The following IRAK1BP1 variants were observed in gnomAD, a reference collection of about 807,000 sequenced individuals.
IRAK1BP1 encodes interleukin-1 receptor-associated kinase 1-binding protein 1.
A neutral mutation model predicts 28.0 loss-of-function variants in IRAK1BP1; 24 were observed. The ratio of observed to expected loss-of-function variants is 0.86; its 90% CI spans 0.62 to 1.20. IRAK1BP1 has a LOEUF of 1.20. Among genes scored for constraint, IRAK1BP1 ranks in the 50% most tolerant of loss-of-function variants. The pLI, the probability that IRAK1BP1 is intolerant of heterozygous loss-of-function variation, is 0.00. For synonymous variants in IRAK1BP1, 131 were observed against 116.3 expected, an observed-to-expected ratio of 1.13 and a Z score of -0.81; for missense variants, 336 against 316.7, an observed-to-expected ratio of 1.06 and a Z score of -0.46.
intron 1 of IRAK1BP1, among the ~76,000 whole-genome samples, chr6:78,880,494 A>G (rs1771187358): frequency 6.6e-6 from 1 of 152,184 alleles, no homozygotes; most frequent in Non-Finnish European, 1.5e-5. Context: ...TCACTTTGTG[A>G]AAAACATTGT....
intron 4 of IRAK1BP1, among the ~76,000 whole-genome samples, chr6:78,919,951 C>G (rs1287261175): frequency 6.6e-6 from 1 of 152,168 alleles, no homozygotes. Flanking sequence ...CTGCATCCAG[C>G]AGCACATCAA....
rs2127657773 is a variant in IRAK1BP1, at chr6:78,902,938, TAAAAC to T, written c.*4607_*4611del. ...TTCAAGAAGGATTGTTTTCTACTATTAAAACAATAAAACTCTTATAAACCTGTTTA... is the reference window on the plus strand; with the variant it reads ...TTCAAGAAGGATTGTTTTCTACTATTAATAAAACTCTTATAAACCTGTTTA... On this transcript the variant is annotated 3_prime_UTR_variant, in exon 4 of 4. Coordinates refer to ENST00000369940, the MANE Select transcript of IRAK1BP1 (RefSeq NM_001010844.4). 1 of 903,080 alleles carries T rather than the reference TAAAAC, an allele frequency of 1.1e-6. No homozygotes were observed. The highest frequency in any genetic ancestry group is 1.5e-5 in the South Asian group (1 of 66,322). The allele number at this position is 903,080 out of a possible 1,614,324, so 55.9% of individuals were successfully genotyped here.
At chr6:78,944,383 A>G (rs1773688252) in intron 4 of IRAK1BP1, among the ~76,000 whole-genome samples, 1 of 152,210 alleles carries the variant, frequency 6.6e-6, no homozygotes, top group South Asian at 2.1e-4. Context: ...TGGCTGCAAT[A>G]TGAGAGAGGG....
intron 1 of IRAK1BP1, among the ~76,000 whole-genome samples, chr6:78,879,967 C>G (rs1221591514): frequency 2.0e-5 from 3 of 152,306 alleles, no homozygotes; most frequent in Admixed American, 6.5e-5. Flanking sequence ...TATTCCCATA[C>G]AAGGAAACAA....
chr6:78,870,668 A>AACAAAC (rs1770764599), intron 1 of IRAK1BP1, among the ~76,000 whole-genome samples: 1 of 152,176 alleles, frequency 6.6e-6, no homozygotes, highest in Non-Finnish European at 1.5e-5. Flanking sequence ...TCATTCAACC[A>AACAAAC]ACAAACATTA....
At chr6:78,884,369 C>T (rs1360573009) in intron 1 of IRAK1BP1, among the ~76,000 whole-genome samples, 1 of 151,986 alleles carries the variant, frequency 6.6e-6, no homozygotes, top group African/African-American at 2.4e-5. Flanking sequence ...TTTTGCTTGT[C>T]CCCAAAGAAT....
In IRAK1BP1 at chr6:78,899,107, T is replaced by C. The variant is rs941940536; in HGVS notation, c.*773T>C. 2.6e-5 allele frequency: 4 copies of C among 152,326 alleles called. No individual in the cohort carries two copies. The highest frequency in any genetic ancestry group is 1.9e-4 in the East Asian group (1 of 5,186). The allele number at this position is 152,326 out of a possible 1,614,324, so 9.4% of individuals were successfully genotyped here. A position where few individuals can be genotyped will look rare whatever the true frequency, so the allele number is the denominator to read the frequency against. On this transcript the variant is annotated 3_prime_UTR_variant, in exon 4 of 4. Transcript: ENST00000369940. Reference sequence around the variant, plus strand: ...CTACATATACAGCAGGCTTTTGTTGTAGGTAAAGAATACTGAGCTTGGAGG... The same window carrying C: ...CTACATATACAGCAGGCTTTTGTTGCAGGTAAAGAATACTGAGCTTGGAGG...
chr6:78,870,109 CAAAAAAAAA>C (rs70977749), intron 1 of IRAK1BP1, among the ~76,000 whole-genome samples: 1 of 41,536 alleles, frequency 2.4e-5, no homozygotes, highest in Non-Finnish European at 3.9e-5. Context: ...AACTCCGTCC[CAAAAAAAAA>C]AAAAAAAAAA....
At chr6:78,921,616 A>T (rs950925024) in intron 4 of IRAK1BP1, among the ~76,000 whole-genome samples, 7 of 152,220 alleles carry the variant, frequency 4.6e-5, no homozygotes, top group Non-Finnish European at 8.8e-5. Flanking sequence ...GAGAAGGGAC[A>T]GACTGCCTCC....
At chr6:78,940,691 A>C in intron 4 of IRAK1BP1, 2 of 1,600,752 alleles carry the variant, frequency 1.2e-6, no homozygotes, top group Non-Finnish European at 1.7e-6. Flanking sequence ...TTTTGGTACA[A>C]GTTACCAACC....
intron 4 of IRAK1BP1, among the ~76,000 whole-genome samples, chr6:78,912,663 T>C (rs1044545962): frequency 1.3e-5 from 2 of 152,206 alleles, no homozygotes; most frequent in African/African-American, 4.8e-5. Flanking sequence ...CCACCATGTC[T>C]ACTGGCAACA....
intron 4 of IRAK1BP1, among the ~76,000 whole-genome samples, chr6:78,908,705 C>T (rs1409536084): frequency 6.6e-6 from 1 of 152,104 alleles, no homozygotes; most frequent in East Asian, 1.9e-4. Context: ...GCACATCTAC[C>T]AGAAGAACTT....
At chr6:78,974,156 C>T in the IRAK1BP1 span, among the ~76,000 whole-genome samples, 3 of 151,988 alleles carry the variant, frequency 2.0e-5, no homozygotes, top group Non-Finnish European at 4.4e-5. Flanking sequence ...TGTAAAAGAA[C>T]AGAAATTATA....
At chr6:78,876,872 A>G (rs973741150) in intron 1 of IRAK1BP1, among the ~76,000 whole-genome samples, 2 of 152,144 alleles carry the variant, frequency 1.3e-5, no homozygotes, top group Non-Finnish European at 2.9e-5. Context: ...CTGGTGGAGA[A>G]CCACTGCCCT....
chr6:78,874,283 A>G (rs1228693548), intron 1 of IRAK1BP1, among the ~76,000 whole-genome samples: 1 of 152,208 alleles, frequency 6.6e-6, no homozygotes, highest in Non-Finnish European at 1.5e-5. Context: ...ATAGCAAATC[A>G]GATGTGATCA....
At chr6:78,961,249 C>T in the IRAK1BP1 span, among the ~76,000 whole-genome samples, 1 of 151,706 alleles carries the variant, frequency 6.6e-6, no homozygotes, top group African/African-American at 2.4e-5. Context: ...TAATGATAAG[C>T]TGAATACAGG....
intron 2 of IRAK1BP1, among the ~76,000 whole-genome samples, chr6:78,895,617 T>C (rs972505063): frequency 2.7e-4 from 41 of 152,106 alleles, no homozygotes; most frequent in Non-Finnish European, 4.4e-5. Flanking sequence ...TCTAATTCAC[T>C]ACATTAATAA....
the IRAK1BP1 span, among the ~76,000 whole-genome samples, chr6:78,974,174 A>G: frequency 0.45 from 68,182 of 151,830 alleles, 15,979 homozygotes; most frequent in East Asian, 0.69. Context: ...ATAACAAACT[A>G]TCTCTCAGAC....
chr6:78,881,439 A>C (rs1465586188), intron 1 of IRAK1BP1, among the ~76,000 whole-genome samples: 1 of 152,148 alleles, frequency 6.6e-6, no homozygotes. Context: ...ATGGTACTGG[A>C]GTGGTACATA....
Sources: gnomAD v4.1 joint callset for allele counts (sites outside exome capture counted in the v4.1 genomes callset) on GRCh38, gnomAD v4.1.1 for gene constraint, MANE v1.5 for transcripts, NCBI Gene and HGNC (gene_info 2026-07-23, HGNC 2026-07-21) for gene names.